Variants in FRMPD4 observed in about 807,000 individuals in gnomAD.
FRMPD4 encodes FERM and PDZ domain-containing protein 4.
In FRMPD4, 22 loss-of-function variants were observed where a neutral mutation model predicts 94.1. The observed-to-expected ratio is 0.23, with a 90% CI of 0.17 to 0.33. FRMPD4 has a LOEUF of 0.33. Among genes scored for constraint, FRMPD4 ranks in the 10% least tolerant of loss-of-function variants. FRMPD4 has a pLI of 1.00. For missense variants in FRMPD4, 1,111 were observed against 1,339.9 expected (o/e 0.83, Z 2.67); for synonymous variants, 631 against 548.6 (o/e 1.15, Z -2.10).
chrX:12,169,826 C>T (rs1449178302), intron 1 of FRMPD4, among the ~76,000 whole-genome samples: 1 of 112,335 alleles, frequency 8.9e-6, no homozygotes, highest in Non-Finnish European at 1.9e-5. Flanking sequence ...GATTTTAAAA[C>T]ACATGACATA....
chrX:12,694,294 C>CAGCACTGA (rs2060106323), intron 8 of FRMPD4, 41 bp from the exon 9 acceptor site: 1 of 1,149,515 alleles, frequency 8.7e-7, no homozygotes, highest in South Asian at 1.9e-5. Flanking sequence ...ATTTCTCAGT[C>CAGCACTGA]AGCACTGAAG....
chrX:11,851,473 G>A (rs1283403209), intron 1 of FRMPD4, among the ~76,000 whole-genome samples: 3 of 110,923 alleles, frequency 2.7e-5, no homozygotes, highest in African/African-American at 6.6e-5. Context: ...ATGAGTTCAG[G>A]GGAACCCAAC....
chrX:12,673,253 T>C (rs1401120891), intron 4 of FRMPD4, among the ~76,000 whole-genome samples: 1 of 112,280 alleles, frequency 8.9e-6, no homozygotes, highest in East Asian at 2.8e-4. Flanking sequence ...AGAGCATTTC[T>C]TATCTGATAA....
rs760626008 is a variant in FRMPD4, at chrX:12,687,839, T to C, written c.681+1635T>C. Among the ~76,000 whole-genome samples the C allele has an allele frequency of 1.2e-4, 13 of 111,785 alleles. No homozygotes were observed. In the East Asian group the frequency reaches 2.5e-3, roughly 22 times the overall value. ...CAAGCCTTGGTGTCCAGAGTTTTTA[T>C]TGGGGGTTTTCCACGTAGACACAGC... On this transcript the variant is annotated intron_variant, in intron 7 of 16. Coordinates refer to ENST00000675598, the MANE Select transcript of FRMPD4 (RefSeq NM_001368397.1).
intron 1 of FRMPD4, among the ~76,000 whole-genome samples, chrX:12,143,723 C>T (rs2055724258): frequency 8.9e-6 from 1 of 112,257 alleles, no homozygotes. Context: ...CATGCGGGCA[C>T]ACACGTCAAA....
At chrX:12,504,121 A>T (rs189288931) in intron 2 of FRMPD4, among the ~76,000 whole-genome samples, 131 of 112,468 alleles carry the variant, frequency 1.2e-3, no homozygotes, top group African/African-American at 4.2e-3. Context: ...ACAAGTTGTT[A>T]TCTTTTGTCT....
intron 3 of FRMPD4, among the ~76,000 whole-genome samples, chrX:12,059,825 A>G (rs1038626588): frequency 9.0e-6 from 1 of 111,429 alleles, no homozygotes; most frequent in African/African-American, 3.3e-5. Flanking sequence ...TGCATAGTGT[A>G]TATGTACCAT....
intron 14 of FRMPD4, 68 bp from the exon 15 acceptor site, chrX:12,716,001 T>TGGGGGCCCC: frequency 8.6e-6 from 2 of 231,653 alleles, no homozygotes; most frequent in East Asian, 8.5e-5. Flanking sequence ...GAGACGAGCC[T>TGGGGGCCCC]CCCACCCCCG....
At chrX:11,843,090 G>A (rs760484545) in intron 1 of FRMPD4, among the ~76,000 whole-genome samples, 2 of 111,712 alleles carry the variant, frequency 1.8e-5, no homozygotes, top group African/African-American at 3.2e-5. Context: ...TATTATTATG[G>A]TGCATGAAAT....
At chrX:12,489,335 C>T (rs767915044) in intron 1 of FRMPD4, among the ~76,000 whole-genome samples, 1 of 111,763 alleles carries the variant, frequency 8.9e-6, no homozygotes, top group Non-Finnish European at 1.9e-5. Context: ...ATGCCCATGT[C>T]CCCAACAAAC....
intron 2 of FRMPD4, among the ~76,000 whole-genome samples, chrX:12,547,635 A>C (rs1267449837): frequency 8.9e-6 from 1 of 112,319 alleles, no homozygotes; most frequent in Non-Finnish European, 1.9e-5. Context: ...AAAAGAATAC[A>C]GAAAGTATGA....
At chrX:12,686,333 A>G (rs983500606) in intron 7 of FRMPD4, 129 bp downstream of exon 7, 68 of 400,766 alleles carry the variant, frequency 1.7e-4, no homozygotes, top group Middle Eastern at 3.7e-4. Flanking sequence ...GATTGCCTCC[A>G]TATAATGTAG....
chrX:12,295,361 G>T (rs573682591), intron 1 of FRMPD4, among the ~76,000 whole-genome samples: 1 of 112,064 alleles, frequency 8.9e-6, no homozygotes, highest in South Asian at 3.8e-4. Context: ...TATTTGATTT[G>T]TCTGGAGGGA....
At chrX:12,691,601 T>G (rs1378508555) in intron 8 of FRMPD4, among the ~76,000 whole-genome samples, 1 of 111,903 alleles carries the variant, frequency 8.9e-6, no homozygotes, top group Admixed American at 9.4e-5. Context: ...ATGTGAAAGG[T>G]CAGTGTCTGG....
chrX:12,600,131 C>T (rs1183194567), intron 2 of FRMPD4, among the ~76,000 whole-genome samples: 1 of 110,053 alleles, frequency 9.1e-6, no homozygotes, highest in African/African-American at 3.3e-5. Context: ...TAATCATTGT[C>T]ATTGGAGGAA....
At chrX:12,158,043 G>A (rs192310675) in intron 1 of FRMPD4, among the ~76,000 whole-genome samples, 32 of 112,279 alleles carry the variant, frequency 2.9e-4, no homozygotes, top group Admixed American at 5.7e-4. Flanking sequence ...AAAAGGAAAC[G>A]TAGACAGGGA....
At chrX:11,845,368 G>T (rs188835147) in intron 1 of FRMPD4, among the ~76,000 whole-genome samples, 1 of 111,880 alleles carries the variant, frequency 8.9e-6, no homozygotes, top group East Asian at 2.8e-4. Context: ...AACAGGATCT[G>T]AACTTATGGC....
At chrX:11,966,075 A>T (rs2054307967) in intron 3 of FRMPD4, among the ~76,000 whole-genome samples, 1 of 112,223 alleles carries the variant, frequency 8.9e-6, no homozygotes, top group South Asian at 3.7e-4. Context: ...GAGTGAAAAT[A>T]TACACCAAGT....
At chrX:12,355,158 C>T (rs2055875429) in intron 1 of FRMPD4, among the ~76,000 whole-genome samples, 3 of 108,503 alleles carry the variant, frequency 2.8e-5, no homozygotes, top group Admixed American at 2.0e-4. Flanking sequence ...TATGTCTATA[C>T]TTGTAGTACT....
Sources: gnomAD v4.1 joint callset for allele counts (sites outside exome capture counted in the v4.1 genomes callset) on GRCh38, gnomAD v4.1.1 for gene constraint, MANE v1.5 for transcripts, NCBI Gene and HGNC (gene_info 2026-07-23, HGNC 2026-07-21) for gene names.